The following ADARB2 variants were observed in gnomAD, a reference collection of about 807,000 sequenced individuals.
ADARB2 encodes the protein inactive double-stranded RNA-specific editase B2.
ADARB2 carries 25 observed loss-of-function variants against 62.2 expected under a neutral mutation model. That is an observed-to-expected ratio of 0.40 (90% CI 0.29 to 0.56). The LOEUF (loss-of-function observed/expected upper bound fraction) is 0.56. Among genes scored for constraint, ADARB2 ranks in the 20% least tolerant of loss-of-function variants. ADARB2 has a pLI of 0.43. For synonymous variants in ADARB2, 572 were observed against 500.8 expected (o/e 1.14, Z -1.90); for missense variants, 1,071 against 1,077.4 (o/e 0.99, Z 0.08).
At chr10:1,438,826 G>A (rs78355249) in intron 1 of ADARB2, among the ~76,000 whole-genome samples, 7 of 141,446 alleles carry the variant, frequency 4.9e-5, no homozygotes, top group South Asian at 2.4e-4. Flanking sequence ...CTCAGCAGAT[G>A]GAGGCAGGTC....
intron 1 of ADARB2, among the ~76,000 whole-genome samples, chr10:1,532,365 C>T (rs1174240349): frequency 6.6e-6 from 1 of 152,212 alleles, no homozygotes; most frequent in African/African-American, 2.4e-5. Flanking sequence ...AGCGTGGGAA[C>T]CAACTTTCCC....
At chr10:1,501,482 G>A (rs72764935) in intron 1 of ADARB2, among the ~76,000 whole-genome samples, 27,979 of 152,124 alleles carry the variant, frequency 0.18, 3,023 homozygotes, top group Non-Finnish European at 0.25. Flanking sequence ...ACTGGAGGTG[G>A]AACTCAAGAA....
intron 1 of ADARB2, among the ~76,000 whole-genome samples, chr10:1,504,466 G>A (rs538260899): frequency 1.7e-4 from 26 of 149,338 alleles, no homozygotes; most frequent in African/African-American, 2.4e-4. Flanking sequence ...GTGTGTACGC[G>A]GGCATTATGT....
intron 1 of ADARB2, among the ~76,000 whole-genome samples, chr10:1,435,948 C>T (rs1476091833): frequency 6.6e-6 from 1 of 152,212 alleles, no homozygotes; most frequent in African/African-American, 2.4e-5. Context: ...GACAGCACCA[C>T]CTTTCTGTTC....
intron 2 of ADARB2, among the ~76,000 whole-genome samples, chr10:1,375,750 CCACACACATGCACACACGCACACATGTG>C (rs1450382717): frequency 2.6e-5 from 4 of 152,200 alleles, no homozygotes; most frequent in East Asian, 1.9e-4. Flanking sequence ...GATTCACACG[CCACACACATGCACACACGCACACATGTG>C]CACACACATG....
rs1831228039 is a variant in ADARB2, at chr10:1,464,696, AGCGG to A, written c.101-85540_101-85537del. 5.6e-5 allele frequency among the ~76,000 whole-genome samples: 6 copies of A among 106,580 alleles called. 2 individuals are homozygous for A. The highest frequency in any genetic ancestry group is 1.0e-4 in the Non-Finnish European group (5 of 48,874). 69.9% of individuals were successfully genotyped at this position (106,580 alleles called of 152,430 possible). On this transcript the variant is annotated intron_variant, in intron 1 of 9. Transcript: ENST00000381312. ...CCACACACGCGCTGGGGGCAGTCAC[AGCGG>A]GCAGTGCACTGGAGAAGAGGGTGGA...
intron 2 of ADARB2, 63 bp downstream of exon 2, chr10:1,379,011 A>G: frequency 6.9e-7 from 1 of 1,453,394 alleles, no homozygotes; most frequent in East Asian, 2.3e-5. Flanking sequence ...TGGGGACTGC[A>G]GGGGACCCCT....
At chr10:1,506,975 C>T (rs962257655) in intron 1 of ADARB2, among the ~76,000 whole-genome samples, 1 of 152,230 alleles carries the variant, frequency 6.6e-6, no homozygotes, top group African/African-American at 2.4e-5. Flanking sequence ...GGCAGGTCTT[C>T]CCCACAATCC....
At chr10:1,533,222 G>A (rs142998734) in intron 1 of ADARB2, among the ~76,000 whole-genome samples, 3,707 of 151,142 alleles carry the variant, frequency 0.025, 149 homozygotes, top group African/African-American at 0.083. Flanking sequence ...TGGTTCGAGC[G>A]ATTCTCCTGA....
chr10:1,579,224 A>G (rs1833062784), intron 1 of ADARB2, among the ~76,000 whole-genome samples: 1 of 152,196 alleles, frequency 6.6e-6, no homozygotes, highest in Non-Finnish European at 1.5e-5. Context: ...GTTCGAGGGC[A>G]AATACACTGT....
chr10:1,588,305 G>A (rs909323311), intron 1 of ADARB2, among the ~76,000 whole-genome samples: 10 of 152,238 alleles, frequency 6.6e-5, no homozygotes, highest in African/African-American at 2.4e-4. Context: ...AGATACCCCG[G>A]ATGCTATGTC....
chr10:1,690,464 A>G (rs1834653850), intron 1 of ADARB2, among the ~76,000 whole-genome samples: 1 of 152,192 alleles, frequency 6.6e-6, no homozygotes, highest in South Asian at 2.1e-4. Context: ...TCCCAAGCAG[A>G]GAGCCGTGGA....
At chr10:1,247,997 C>T (rs1831002430) in intron 4 of ADARB2, among the ~76,000 whole-genome samples, 2 of 152,334 alleles carry the variant, frequency 1.3e-5, no homozygotes, top group South Asian at 4.1e-4. Context: ...CAAAAATGCT[C>T]TGCACTCAAT....
intron 1 of ADARB2, among the ~76,000 whole-genome samples, chr10:1,694,681 A>C (rs1332161927): frequency 6.6e-6 from 1 of 152,260 alleles, no homozygotes; most frequent in African/African-American, 2.4e-5. Flanking sequence ...TTTTGAAATG[A>C]AACTAAAAGT....
intron 3 of ADARB2, among the ~76,000 whole-genome samples, chr10:1,337,600 G>T (rs1162752441): frequency 6.6e-6 from 1 of 152,152 alleles, no homozygotes; most frequent in East Asian, 1.9e-4. Context: ...GTAAGCAGGT[G>T]CATGCGCCGG....
At chr10:1,321,027 G>T (rs150143243) in intron 3 of ADARB2, among the ~76,000 whole-genome samples, 1 of 152,186 alleles carries the variant, frequency 6.6e-6, no homozygotes, top group African/African-American at 2.4e-5. Context: ...AGAATGTAAA[G>T]TTCCTACAAC....
At chr10:1,320,460 C>G (rs1831785000) in intron 3 of ADARB2, among the ~76,000 whole-genome samples, 1 of 152,230 alleles carries the variant, frequency 6.6e-6, no homozygotes, top group Non-Finnish European at 1.5e-5. Flanking sequence ...TATCTGAGCT[C>G]AGGCAAGACC....
intron 1 of ADARB2, among the ~76,000 whole-genome samples, chr10:1,687,061 C>T (rs140167443): frequency 0.01 from 1,485 of 144,084 alleles, 16 homozygotes; most frequent in Non-Finnish European, 0.015. Flanking sequence ...AAGTCTCGCT[C>T]TGTCACCCAG....
intron 3 of ADARB2, among the ~76,000 whole-genome samples, chr10:1,288,250 C>T (rs1043133276): frequency 6.6e-6 from 1 of 152,216 alleles, no homozygotes; most frequent in African/African-American, 2.4e-5. Flanking sequence ...ATTTATTGTG[C>T]AAGGCACTGA....
Sources: gnomAD v4.1 joint callset for allele counts (sites outside exome capture counted in the v4.1 genomes callset) on GRCh38, gnomAD v4.1.1 for gene constraint, MANE v1.5 for transcripts, NCBI Gene and HGNC (gene_info 2026-07-23, HGNC 2026-07-21) for gene names.